Variants in CDV3 observed in about 807,000 individuals in gnomAD.
CDV3 encodes the protein protein CDV3 homolog.
In CDV3, 14 loss-of-function variants were observed where a neutral mutation model predicts 24.5. The ratio of observed to expected loss-of-function variants is 0.57; its 90% CI spans 0.38 to 0.89. CDV3 has a LOEUF of 0.89. CDV3 is among the 40% of genes least tolerant of loss of function. CDV3 has a pLI of 0.00. For missense variants in CDV3, 304 were observed against 310.2 expected, an observed-to-expected ratio of 0.98 and a Z score of 0.15; for synonymous variants, 114 against 114.1, an observed-to-expected ratio of 1.00 and a Z score of 0.00.
chr3:133,580,074 A>G (rs2074957328), intron 2 of CDV3, among the ~76,000 whole-genome samples: 1 of 152,106 alleles, frequency 6.6e-6, no homozygotes, highest in South Asian at 2.1e-4. Context: ...GCACCCATCA[A>G]CTTGTCATTT....
chr3:133,581,995 C>G (rs1933075120), intron 2 of CDV3, among the ~76,000 whole-genome samples: 1 of 152,054 alleles, frequency 6.6e-6, no homozygotes, highest in Admixed American at 6.6e-5. Context: ...TTGCCATATT[C>G]TCTATCCTTT....
chr3:133,576,263 C>T (rs1447169328), intron 2 of CDV3, among the ~76,000 whole-genome samples: 3 of 152,190 alleles, frequency 2.0e-5, no homozygotes, highest in African/African-American at 7.2e-5. Flanking sequence ...CTTGAGATTT[C>T]TTTGTAGTGG....
At position 133,588,335 on chromosome 3, in the gene CDV3, A is replaced by G. The variant is rs925463024; in HGVS notation, c.*289A>G. 6 of 1,536,296 alleles carry G rather than the reference A, an allele frequency of 3.9e-6. No individual in the cohort carries two copies. Among genetic ancestry groups the G allele is most frequent in the Middle Eastern group, 1.7e-4 (1 of 6,010 alleles). ...AAACCTGCAGCCAGTGGTCATTTCA[A>G]AATCTTTTTATGTTCAGATACTGAG... On this transcript the variant is annotated 3_prime_UTR_variant, in exon 5 of 5. Transcript: ENST00000264993.
chr3:133,574,995 G>A, intron 1 of CDV3, 44 bp from the exon 2 acceptor site: 2 of 1,189,968 alleles, frequency 1.7e-6, no homozygotes, highest in Non-Finnish European at 2.5e-6. Context: ...TTAGTTATAT[G>A]TCTACAAATA....
In CDV3 at chr3:133,574,265, C is replaced by T; in HGVS notation, c.221C>T (p.Ala74Val). The stretch of plus-strand genomic sequence containing the variant: ...GCGGGGGCTGCGGGCCCAGGGGCCG[C>T]CACCAAGGCTGTGACGAAGGTGAGG... ...ASAGAAGPGA[A>V]TKAVTKDEDE... Residue 74 changes from alanine (A) to valine (V), a missense_variant, in exon 1 of 5, where the codon GCC becomes GTC. Physicochemically the swap from Ala to Val is moderately conservative, Grantham distance 64. Around this residue, in one of 3 missense-constraint regions of CDV3, gnomAD observed 219 missense variants for 203.6 expected, o/e 1.08. Coordinates refer to ENST00000264993, the MANE Select transcript of CDV3 (RefSeq NM_017548.5). 1 of 988,364 alleles carries T rather than the reference C, an allele frequency of 1.0e-6. No individual in the cohort carries two copies. The highest frequency in any genetic ancestry group is 1.2e-6 in the Non-Finnish European group (1 of 832,348). 61.2% of individuals were successfully genotyped at this position (988,364 alleles called of 1,614,324 possible). A position where few individuals can be genotyped will look rare whatever the true frequency, so the allele number is the denominator to read the frequency against.
intron 2 of CDV3, among the ~76,000 whole-genome samples, chr3:133,582,692 GA>G (rs1379894986): frequency 2.0e-5 from 3 of 152,152 alleles, no homozygotes; most frequent in Non-Finnish European, 4.4e-5. Flanking sequence ...AGAGTTTTGG[GA>G]ACCAGCCTTT....
At chr3:133,584,269 C>T in intron 3 of CDV3, 119 bp downstream of exon 3, 1 of 686,124 alleles carries the variant, frequency 1.5e-6, no homozygotes, top group Non-Finnish European at 2.5e-6. Context: ...CCTTTCCATT[C>T]CTGGTAGAGT....
chr3:133,585,617 C>T (rs1038521150), intron 3 of CDV3, among the ~76,000 whole-genome samples: 2 of 152,054 alleles, frequency 1.3e-5, no homozygotes, highest in Admixed American at 6.5e-5. Flanking sequence ...GCCTCAGCCT[C>T]CCAAGTAGCT....
chr3:133,582,436 C>G (rs1366719253), intron 2 of CDV3, among the ~76,000 whole-genome samples: 2 of 152,258 alleles, frequency 1.3e-5, no homozygotes, highest in African/African-American at 4.8e-5. Context: ...CAGTTGTGAG[C>G]CACTGCGCCT....
At chr3:133,581,352 C>G (rs973208082) in intron 2 of CDV3, among the ~76,000 whole-genome samples, 4 of 151,854 alleles carry the variant, frequency 2.6e-5, no homozygotes, top group Non-Finnish European at 4.4e-5. Context: ...CCTCTGTACT[C>G]CAGCCTGGGT....
chr3:133,578,361 T>C (rs72970167), intron 2 of CDV3, among the ~76,000 whole-genome samples: 3,928 of 152,314 alleles, frequency 0.026, 180 homozygotes, highest in African/African-American at 0.089. Flanking sequence ...CACGTTTCAG[T>C]AAATAATTGA....
At chr3:133,585,368 TTTTGTTTTG>T (rs1224949139) in intron 3 of CDV3, among the ~76,000 whole-genome samples, 5 of 152,140 alleles carry the variant, frequency 3.3e-5, no homozygotes, top group African/African-American at 7.2e-5. Flanking sequence ...TTTAGAATCT[TTTTGTTTTG>T]TTTGTTTTGT....
At chr3:133,576,841 C>CTTTTTTTTTGTTTTTTTTTTTTTTT (rs2074828274) in intron 2 of CDV3, among the ~76,000 whole-genome samples, 2 of 62,388 alleles carry the variant, frequency 3.2e-5, no homozygotes, top group African/African-American at 6.8e-5. Flanking sequence ...GGTAGACTAG[C>CTTTTTTTTTGTTTTTTTTTTTTTTT]TTTTTTTTTT....
chr3:133,577,043 T>G (rs1299792851), intron 2 of CDV3, among the ~76,000 whole-genome samples: 1 of 151,818 alleles, frequency 6.6e-6, no homozygotes, highest in African/African-American at 2.4e-5. Context: ...AGACGGAGTT[T>G]CATCATGTTG....
At chr3:133,577,385 A>G (rs2074856579) in intron 2 of CDV3, among the ~76,000 whole-genome samples, 1 of 147,830 alleles carries the variant, frequency 6.8e-6, no homozygotes, top group African/African-American at 2.5e-5. Flanking sequence ...TTTGAGACAG[A>G]GTTTCGCTCT....
intron 2 of CDV3, among the ~76,000 whole-genome samples, chr3:133,578,114 C>A (rs115408643): frequency 4.2e-4 from 64 of 152,222 alleles, no homozygotes; most frequent in Non-Finnish European, 7.4e-4. Flanking sequence ...CTCAGCCTCC[C>A]GAGTAGCTGG....
rs557988931 is a variant in CDV3 at position 133,582,151 on chromosome 3, CATT to C, written c.318-1847_318-1845del. 7.9e-5 allele frequency among the ~76,000 whole-genome samples: 12 copies of C among 152,060 alleles called. No individual in the cohort carries two copies. In the South Asian group the frequency reaches 2.5e-3, roughly 32 times the overall value. On this transcript the variant is annotated intron_variant, in intron 2 of 4. Transcript: ENST00000264993. ...TGGTAGGTAATTCATACAATGCTGC[CATT>C]ATTTTTTATTTTTTATTTTTGACAC...
At chr3:133,586,867 A>G in intron 4 of CDV3, 145 bp downstream of exon 4, 1 of 621,412 alleles carries the variant, frequency 1.6e-6, no homozygotes, top group South Asian at 2.1e-5. Context: ...GCAGGTGAGA[A>G]TCAGGGTGGG....
intron 3 of CDV3, 98 bp downstream of exon 3, chr3:133,584,248 G>A: frequency 1.2e-6 from 1 of 840,200 alleles, no homozygotes; most frequent in South Asian, 1.8e-5. Context: ...GTAGGGTGAG[G>A]AGGAGAGGCT....
Sources: allele counts gnomAD v4.1 joint callset (sites outside exome capture counted in the v4.1 genomes callset), GRCh38; gene constraint gnomAD v4.1.1; regional missense constraint gnomAD v4.1.1; transcripts MANE v1.5; gene names NCBI Gene and HGNC (gene_info 2026-07-23, HGNC 2026-07-21).